Variants in HMCN2 observed in about 807,000 individuals in gnomAD.
The protein encoded by HMCN2 is hemicentin 2, also known as hemicentin-2.
In HMCN2, 325 loss-of-function variants were observed where a neutral mutation model predicts 377.5. That is an observed-to-expected ratio of 0.86 (90% CI 0.79 to 0.94). The LOEUF (loss-of-function observed/expected upper bound fraction) is 0.94, where lower values mean the gene tolerates loss of function less well. Among genes scored for constraint, HMCN2 ranks in the 40% least tolerant of loss-of-function variants. The pLI, the probability that HMCN2 is intolerant of heterozygous loss-of-function variation, is 0.00. For synonymous variants in HMCN2, 2,007 were observed against 2,046.8 expected, an observed-to-expected ratio of 0.98 and a Z score of 0.53; for missense variants, 4,543 against 4,725.3, an observed-to-expected ratio of 0.96 and a Z score of 1.13.
intron 19 of HMCN2, among the ~76,000 whole-genome samples, chr9:130,322,463 A>C (rs1837910773): frequency 6.6e-6 from 1 of 152,078 alleles, no homozygotes; most frequent in Non-Finnish European, 1.5e-5. Context: ...CTTGGCACCT[A>C]AGTGTTTCCA....
chr9:130,353,826 G>A (rs368484214), intron 31 of HMCN2, among the ~76,000 whole-genome samples: 3 of 152,178 alleles, frequency 2.0e-5, no homozygotes, highest in East Asian at 1.9e-4. Context: ...AAAGGGTGTC[G>A]GTGGCTCTGG....
At position 130,382,137 on chromosome 9, in the gene HMCN2, G is replaced by T. The variant is rs906163379; in HGVS notation, c.8432-47G>T. ...AGGGGGCAGCGTCTTTGCTCTTGGG[G>T]GTGACTCTCGTGCCTGAGCCCAGGC... On this transcript the variant is annotated intron_variant, in intron 54 of 97. Transcript: ENST00000683500. 6 of 877,758 alleles carry T rather than the reference G, an allele frequency of 6.8e-6. No individual in the cohort carries two copies. The African/African-American group carries it at 9.1e-5, about 13-fold the overall frequency. 54.4% of individuals were successfully genotyped at this position (877,758 alleles called of 1,614,324 possible). A position where few individuals can be genotyped will look rare whatever the true frequency, so the allele number is the denominator to read the frequency against.
Position 130,340,558 on chromosome 9 carries a change from C to T in HMCN2, c.3488-553C>T, listed in dbSNP as rs933133156. Among the ~76,000 whole-genome samples the T allele has an allele frequency of 3.1e-3, 466 of 148,576 alleles. 1 individual carries two copies. The highest frequency in any genetic ancestry group is 0.011 in the African/African-American group (445 of 40,210). ...TTTCTTAGACGGAGCCTCCCTCTGT[C>T]ACACAGGCTGGAGTGCAGTGGCACA... On this transcript the variant is annotated intron_variant, in intron 23 of 97. Transcript: ENST00000683500.
chr9:130,360,637 C>T lies in HMCN2; in HGVS notation c.5950+33C>T. The stretch of plus-strand genomic sequence containing the variant: ...TCCCTGGGCCTACAAGGTCCCTTGT[C>T]CAAAAAGTTGTCTTTTCATTCATTT... On this transcript the variant is annotated intron_variant, in intron 38 of 97. Transcript: ENST00000683500. This position sits in a 1 kb window ranked among gnomAD's most constrained non-coding sequence, Gnocchi z 4.7. 8.0e-7 allele frequency: 1 copy of T among 1,244,536 alleles called. No homozygotes were observed. The highest frequency in any genetic ancestry group is 1.0e-6 in the Non-Finnish European group (1 of 953,448). The allele number at this position is 1,244,536 out of a possible 1,614,324, so 77.1% of individuals were successfully genotyped here. A position where few individuals can be genotyped will look rare whatever the true frequency, so the allele number is the denominator to read the frequency against.
In HMCN2 at chr9:130,394,337, C is replaced by T. The variant is rs1389435855; in HGVS notation, c.10502-48C>T. On this transcript the variant is annotated intron_variant, in intron 68 of 97. Transcript: ENST00000683500. This position sits in a 1 kb window ranked among gnomAD's most constrained non-coding sequence, Gnocchi z 5.1. ...ACAGTGTTTTCAAGTGCGGTGCTGTCCCGGAAATGTGTGTCAATTGTGTGT... is the reference window on the plus strand; with the variant it reads ...ACAGTGTTTTCAAGTGCGGTGCTGTTCCGGAAATGTGTGTCAATTGTGTGT... The T allele has an allele frequency of 1.7e-6, 2 of 1,199,750 alleles. No homozygotes were observed. Among genetic ancestry groups the T allele is most frequent in the African/African-American group, 1.6e-5 (1 of 64,390 alleles). The allele number at this position is 1,199,750 out of a possible 1,614,324, so 74.3% of individuals were successfully genotyped here.
At chr9:130,373,905 T>TGGAC (rs1841227216) in intron 48 of HMCN2, among the ~76,000 whole-genome samples, 1 of 150,074 alleles carries the variant, frequency 6.7e-6, no homozygotes, top group Non-Finnish European at 1.5e-5. Flanking sequence ...GATGGATGGA[T>TGGAC]GGATGGATGG....
intron 85 of HMCN2, among the ~76,000 whole-genome samples, chr9:130,411,058 A>C (rs531002271): frequency 7.2e-5 from 11 of 152,138 alleles, no homozygotes; most frequent in Non-Finnish European, 1.3e-4. Flanking sequence ...CAGGATCCTA[A>C]GTGCAGAGCT....
chr9:130,433,527 C>G lies in HMCN2; in HGVS notation c.15074C>G (p.Pro5025Arg). 6 of 1,474,632 alleles carry G rather than the reference C, an allele frequency of 4.1e-6. No individual in the cohort carries two copies. Among genetic ancestry groups the G allele is most frequent in the Non-Finnish European group, 5.4e-6 (6 of 1,120,576 alleles). The allele number at this position is 1,474,632 out of a possible 1,614,324, so 91.3% of individuals were successfully genotyped here. A position where few individuals can be genotyped will look rare whatever the true frequency, so the allele number is the denominator to read the frequency against. The change falls in exon 98 of 98, where the codon CCC becomes CGC. Residue 5025 changes from proline to arginine, a missense_variant. Coordinates refer to ENST00000683500, the MANE Select transcript of HMCN2 (RefSeq NM_001291815.2). ...GAGCTCAGCATGCTGGAGCCCGACCCCCGCAGCCCCTTCGCGCTGCGTCCG... is the reference window on the plus strand; with the variant it reads ...GAGCTCAGCATGCTGGAGCCCGACCGCCGCAGCCCCTTCGCGCTGCGTCCG... ...RTELSMLEPD[P>R]RSPFALRPLR... is the part of the protein sequence containing the mutation.
chr9:130,329,624 G>A (rs1564788278), intron 22 of HMCN2, among the ~76,000 whole-genome samples: 1 of 152,042 alleles, frequency 6.6e-6, no homozygotes, highest in African/African-American at 2.4e-5. Flanking sequence ...TGTATTTTTA[G>A]TAGAGACGGG....
At chr9:130,358,306 G>A (rs951998509) in intron 35 of HMCN2, 84 bp from the exon 36 acceptor site, 1 of 1,294,374 alleles carries the variant, frequency 7.7e-7, no homozygotes, top group Admixed American at 2.3e-5. Flanking sequence ...CCTGCCCCCG[G>A]GCTCGGCAGC....
intron 57 of HMCN2, among the ~76,000 whole-genome samples, chr9:130,384,072 T>G (rs1423190720): frequency 6.6e-6 from 1 of 152,190 alleles, no homozygotes; most frequent in Non-Finnish European, 1.5e-5. Context: ...CCAGATGGTC[T>G]TGGAGATGGA....
chr9:130,420,612 C>G (rs926640290), intron 86 of HMCN2, among the ~76,000 whole-genome samples: 1 of 152,046 alleles, frequency 6.6e-6, no homozygotes, highest in Non-Finnish European at 1.5e-5. Context: ...TGGGGAGGAT[C>G]TGGTCTGGGT....
At chr9:130,416,314 C>T (rs762268662) in intron 85 of HMCN2, among the ~76,000 whole-genome samples, 18 of 152,002 alleles carry the variant, frequency 1.2e-4, no homozygotes, top group Middle Eastern at 3.4e-3. Context: ...CATGTTGGCC[C>T]GGCTGGTCTC....
At chr9:130,273,583 C>T (rs1380688268) in intron 1 of HMCN2, among the ~76,000 whole-genome samples, 2 of 152,068 alleles carry the variant, frequency 1.3e-5, no homozygotes, top group African/African-American at 2.4e-5. Context: ...CTGCAACCTC[C>T]GTCCCCCAGG....
rs906359295 is a variant in HMCN2, at chr9:130,379,320, C to T, written c.8284C>T (p.Arg2762Trp). ...GATCCTGTCCCGGGAGGAGGAGGCC[C>T]GGGGCGGAGTCACGGAATACAGGGA... ...FEILSREEEA[R>W]GGVTEYREIV... Residue 2762 changes from arginine (R) to tryptophan (W), a missense_variant, in exon 54 of 98, where the codon CGG becomes TGG. Physicochemically the swap from Arg to Trp is moderately radical, Grantham distance 101 (BLOSUM62 -3). This residue lies in a region of HMCN2 where 736 missense variants were observed against 773.2 expected (regional missense o/e 0.95). Coordinates refer to ENST00000683500, the MANE Select transcript of HMCN2 (RefSeq NM_001291815.2). 72 of 985,576 alleles carry T rather than the reference C, an allele frequency of 7.3e-5. No homozygotes were observed. The highest frequency in any genetic ancestry group is 7.8e-5 in the Non-Finnish European group (65 of 829,938). 61.1% of individuals were successfully genotyped at this position (985,576 alleles called of 1,614,324 possible).
intron 8 of HMCN2, among the ~76,000 whole-genome samples, chr9:130,301,330 C>G (rs1443293422): frequency 6.6e-6 from 1 of 152,242 alleles, no homozygotes; most frequent in East Asian, 1.9e-4. Flanking sequence ...TTCCCCTGTT[C>G]TTTCAGATGG....
At chr9:130,377,456 A>G (rs1841452556) in intron 52 of HMCN2, among the ~76,000 whole-genome samples, 193 bp from the exon 53 acceptor site, 1 of 152,150 alleles carries the variant, frequency 6.6e-6, no homozygotes, top group Admixed American at 6.5e-5. Flanking sequence ...TTTAAACTCT[A>G]CTATTTTCAC....
In HMCN2 at chr9:130,393,079, C is replaced by T. The variant is rs2131681674; in HGVS notation, c.10137-133C>T. On this transcript the variant is annotated intron_variant, in intron 66 of 97. Coordinates refer to ENST00000683500, the MANE Select transcript of HMCN2 (RefSeq NM_001291815.2). This position sits in a 1 kb window ranked among gnomAD's most constrained non-coding sequence, Gnocchi z 5.2. ...CCCCGCCCCCTCTGGCCAGCAAGCT[C>T]TTGGGAGACAAAGGTTGGAAAAGGG... The T allele has an allele frequency of 4.8e-6, 2 of 412,894 alleles. No homozygotes were observed. Among genetic ancestry groups the T allele is most frequent in the Non-Finnish European group, 6.5e-6 (2 of 305,888 alleles). The allele number at this position is 412,894 out of a possible 1,614,324, so 25.6% of individuals were successfully genotyped here. A position where few individuals can be genotyped will look rare whatever the true frequency, so the allele number is the denominator to read the frequency against.
At position 130,432,384 on chromosome 9, in the gene HMCN2, C is replaced by T. The variant is rs111939219; in HGVS notation, c.14768-45C>T. 2.5e-3 allele frequency: 3,904 copies of T among 1,548,826 alleles called. 31 individuals carry two copies. The highest frequency in any genetic ancestry group is 0.016 in the Middle Eastern group (93 of 5,990). ...CGCACTCCCCCCTTCTCCTTTGCTCCATCTTTTCATCTCCCTCCCCCGCTT... is the reference window on the plus strand; with the variant it reads ...CGCACTCCCCCCTTCTCCTTTGCTCTATCTTTTCATCTCCCTCCCCCGCTT... On this transcript the variant is annotated intron_variant, in intron 96 of 97. Coordinates refer to ENST00000683500, the MANE Select transcript of HMCN2 (RefSeq NM_001291815.2).
Sources: allele counts gnomAD v4.1 joint callset (sites outside exome capture counted in the v4.1 genomes callset), GRCh38; gene constraint gnomAD v4.1.1; regional missense constraint gnomAD v4.1.1; non-coding constraint Gnocchi (gnomAD v3.1); transcripts MANE v1.5; gene names NCBI Gene and HGNC (gene_info 2026-07-23, HGNC 2026-07-21).